The following FAM193A variants were observed in gnomAD, a reference collection of about 807,000 sequenced individuals.
The protein encoded by FAM193A is family with sequence similarity 193 member A.
A neutral mutation model predicts 126.5 loss-of-function variants in FAM193A; 22 were observed. That is an observed-to-expected ratio of 0.17 (90% CI 0.12 to 0.25). The LOEUF (loss-of-function observed/expected upper bound fraction) is 0.25, where lower values mean the gene tolerates loss of function less well. Among genes scored for constraint, FAM193A ranks in the 10% least tolerant of loss-of-function variants. The pLI, the probability that FAM193A is intolerant of heterozygous loss-of-function variation, is 1.00. For synonymous variants in FAM193A, 761 were observed against 646.8 expected, an observed-to-expected ratio of 1.18 and a Z score of -2.68; for missense variants, 1,675 against 1,672.8, an observed-to-expected ratio of 1.00 and a Z score of -0.02.
intron 13 of FAM193A, among the ~76,000 whole-genome samples, chr4:2,679,349 A>G (rs1312403275): frequency 6.7e-6 from 1 of 149,594 alleles, no homozygotes; most frequent in Non-Finnish European, 1.5e-5. Context: ...AATGTTCACA[A>G]GCGATACTCG....
intron 20 of FAM193A, among the ~76,000 whole-genome samples, chr4:2,727,999 T>C (rs1236104399): frequency 6.6e-6 from 1 of 152,018 alleles, no homozygotes; most frequent in Non-Finnish European, 1.5e-5. Flanking sequence ...AGGCACGATC[T>C]TGGCTCACCG....
chr4:2,634,215 T>C (rs1743877483), intron 5 of FAM193A, among the ~76,000 whole-genome samples: 1 of 152,168 alleles, frequency 6.6e-6, no homozygotes, highest in Non-Finnish European at 1.5e-5. Context: ...TCCCAGAGAC[T>C]TGGTAGCTGT....
At chr4:2,537,973 G>C (rs1231674535) in intron 1 of FAM193A, among the ~76,000 whole-genome samples, 1 of 152,098 alleles carries the variant, frequency 6.6e-6, no homozygotes, top group African/African-American at 2.4e-5. Context: ...TCAACCGTTG[G>C]TCACAACATT....
chr4:2,659,249 G>A (rs1712096597), intron 8 of FAM193A, among the ~76,000 whole-genome samples: 1 of 152,154 alleles, frequency 6.6e-6, no homozygotes, highest in African/African-American at 2.4e-5. Context: ...TCAGTACCTT[G>A]CAAGTACCAA....
chr4:2,590,499 AAAAAAAC>A (rs1740497515), intron 1 of FAM193A, among the ~76,000 whole-genome samples: 4 of 79,358 alleles, frequency 5.0e-5, no homozygotes, highest in South Asian at 3.2e-4. Flanking sequence ...AAAAAAACAA[AAAAAAAC>A]AAAAAAAAAA....
intron 4 of FAM193A, among the ~76,000 whole-genome samples, chr4:2,630,684 G>A (rs766185053): frequency 2.6e-5 from 4 of 152,230 alleles, no homozygotes; most frequent in Middle Eastern, 3.2e-3. Flanking sequence ...ATTAGTGCAC[G>A]TGCACGGACA....
intron 2 of FAM193A, among the ~76,000 whole-genome samples, chr4:2,619,498 A>T (rs915541637): frequency 3.3e-5 from 5 of 151,890 alleles, no homozygotes; most frequent in East Asian, 3.9e-4. Flanking sequence ...TAGAGCTAAA[A>T]ATACTAATTT....
At chr4:2,600,512 A>G (rs111484594) in intron 2 of FAM193A, among the ~76,000 whole-genome samples, 2,713 of 151,964 alleles carry the variant, frequency 0.018, 63 homozygotes, top group African/African-American at 0.052. Flanking sequence ...TACCTCCCCA[A>G]ACTCCTTGGC....
intron 19 of FAM193A, 46 bp from the exon 20 acceptor site, chr4:2,715,977 A>G: frequency 9.8e-7 from 1 of 1,018,242 alleles, no homozygotes; most frequent in Non-Finnish European, 1.6e-6. Flanking sequence ...CTGATAAGAT[A>G]GCCTGCTGCT....
chr4:2,575,939 C>T (rs1739560609), intron 1 of FAM193A, among the ~76,000 whole-genome samples: 1 of 152,110 alleles, frequency 6.6e-6, no homozygotes, highest in Non-Finnish European at 1.5e-5. Context: ...ATGGAGTGGT[C>T]TCTGCCCTCA....
At chr4:2,576,649 G>T (rs1410947124) in intron 1 of FAM193A, among the ~76,000 whole-genome samples, 1 of 152,194 alleles carries the variant, frequency 6.6e-6, no homozygotes, top group Non-Finnish European at 1.5e-5. Context: ...GATTACAGGT[G>T]TGCACCACCA....
chr4:2,637,571 A>G (rs996670900), intron 5 of FAM193A, among the ~76,000 whole-genome samples: 16 of 152,152 alleles, frequency 1.1e-4, no homozygotes, highest in Admixed American at 5.9e-4. Flanking sequence ...CCTTTTTTGT[A>G]GTGGGAAGTG....
chr4:2,669,029 G>T (rs1384032713), intron 12 of FAM193A, among the ~76,000 whole-genome samples: 1 of 152,006 alleles, frequency 6.6e-6, no homozygotes, highest in Admixed American at 6.6e-5. Flanking sequence ...TTTTGGTGGA[G>T]ATGACATTTC....
intron 19 of FAM193A, among the ~76,000 whole-genome samples, chr4:2,713,957 A>G (rs1160811143): frequency 6.6e-6 from 1 of 152,196 alleles, no homozygotes; most frequent in Admixed American, 6.5e-5. Context: ...CAAATTGGTT[A>G]AAGTTGTGTT....
chr4:2,707,604 A>G (rs1409217603), intron 19 of FAM193A, among the ~76,000 whole-genome samples: 1 of 151,984 alleles, frequency 6.6e-6, no homozygotes. Context: ...TATTAAATAT[A>G]TTACTGCAAT....
intron 12 of FAM193A, among the ~76,000 whole-genome samples, 173 bp from the exon 13 acceptor site, chr4:2,671,948 C>T (rs1025822831): frequency 3.9e-5 from 6 of 152,238 alleles, no homozygotes; most frequent in African/African-American, 1.4e-4. Context: ...CAGTCTCAGT[C>T]TCTTGGGGTC....
intron 12 of FAM193A, 35 bp downstream of exon 12, chr4:2,663,323 T>G (rs1712712083): frequency 6.7e-7 from 1 of 1,492,860 alleles, no homozygotes; most frequent in South Asian, 1.3e-5. Flanking sequence ...CAAGGATCTC[T>G]TTTTCTGTGT....
intron 1 of FAM193A, among the ~76,000 whole-genome samples, chr4:2,572,310 CAG>C (rs1169162126): frequency 1.4e-5 from 2 of 140,668 alleles, no homozygotes; most frequent in African/African-American, 5.3e-5. Flanking sequence ...GCCTAGGCGA[CAG>C]AGTGAGACTT....
In FAM193A at chr4:2,699,900, C is replaced by A. The variant is rs751301257; in HGVS notation, c.3728C>A (p.Thr1243Asn). Residue 1243 changes from threonine (T) to asparagine (N), a missense_variant, in exon 19 of 21, where the codon ACT becomes AAT. Coordinates refer to ENST00000637812, the MANE Select transcript of FAM193A (RefSeq NM_001366318.2). ...GACTGCCCCAAGTTGGACATGCTCA[C>A]TAGAAATTTCCAGGCAGCAACAGAG... is the stretch of plus-strand genomic sequence containing the variant. The part of the protein sequence containing the change: ...SKDCPKLDML[T>N]RNFQAATESV... The A allele has an allele frequency of 6.2e-7, 1 of 1,614,118 alleles. No homozygotes were observed. The highest frequency in any genetic ancestry group is 1.1e-5 in the South Asian group (1 of 91,084).
Sources: gnomAD v4.1 joint callset for allele counts (sites outside exome capture counted in the v4.1 genomes callset) on GRCh38, gnomAD v4.1.1 for gene constraint, MANE v1.5 for transcripts, NCBI Gene and HGNC (gene_info 2026-07-23, HGNC 2026-07-21) for gene names.